The following FOXP2 variants were observed in gnomAD, a reference collection of about 807,000 sequenced individuals.
FOXP2 encodes forkhead box P2.
FOXP2 carries 12 observed loss-of-function variants against 115.8 expected under a neutral mutation model. The observed-to-expected ratio is 0.10, with a 90% CI of 0.07 to 0.17. The LOEUF (loss-of-function observed/expected upper bound fraction) is 0.17, where lower values mean the gene tolerates loss of function less well. FOXP2 is among the 10% of genes least tolerant of loss of function. The pLI, the probability that FOXP2 is intolerant of heterozygous loss-of-function variation, is 1.00. For missense variants in FOXP2, 629 were observed against 843.5 expected (o/e 0.75, Z 3.15); for synonymous variants, 328 against 297.7 (o/e 1.10, Z -1.05).
At chr7:114,387,156 A>C (rs1792473895) in intron 2 of FOXP2, among the ~76,000 whole-genome samples, 2 of 152,198 alleles carry the variant, frequency 1.3e-5, no homozygotes, top group Admixed American at 1.3e-4. Flanking sequence ...GGTTTCTTCC[A>C]AGTTCTATTC....
At chr7:114,416,770 GA>G (rs1793365572) in intron 1 of FOXP2, among the ~76,000 whole-genome samples, 1 of 151,968 alleles carries the variant, frequency 6.6e-6, no homozygotes, top group African/African-American at 2.4e-5. Flanking sequence ...AATATGTGGA[GA>G]GGTTTAATGA....
chr7:114,573,226 T>C (rs574706452), intron 3 of FOXP2, among the ~76,000 whole-genome samples: 4 of 151,868 alleles, frequency 2.6e-5, no homozygotes, highest in Non-Finnish European at 5.9e-5. Context: ...ATTTAAGTAA[T>C]ATTAACTGCT....
chr7:114,345,532 TC>T (rs992272044), intron 2 of FOXP2, among the ~76,000 whole-genome samples: 2 of 151,856 alleles, frequency 1.3e-5, no homozygotes, highest in African/African-American at 2.4e-5. Flanking sequence ...TTCTTTCTTT[TC>T]TGGCAGTAAG....
chr7:114,617,522 G>T (rs1804013505), intron 3 of FOXP2, among the ~76,000 whole-genome samples: 1 of 152,220 alleles, frequency 6.6e-6, no homozygotes, highest in South Asian at 2.1e-4. Flanking sequence ...GGCTGGGCGA[G>T]GCGGCTCACG....
At chr7:114,457,264 T>A (rs1182067595) in intron 2 of FOXP2, among the ~76,000 whole-genome samples, 2 of 152,202 alleles carry the variant, frequency 1.3e-5, no homozygotes, top group Non-Finnish European at 2.9e-5. Flanking sequence ...AAAACCATAT[T>A]GTTCATCTTA....
chr7:114,330,172 A>T (rs1442522097), intron 2 of FOXP2, among the ~76,000 whole-genome samples: 1 of 151,848 alleles, frequency 6.6e-6, no homozygotes, highest in East Asian at 1.9e-4. Flanking sequence ...TTATGCTTTC[A>T]TTTACTTATT....
intron 2 of FOXP2, among the ~76,000 whole-genome samples, chr7:114,465,327 C>G (rs953117400): frequency 5.3e-5 from 8 of 152,204 alleles, no homozygotes; most frequent in Admixed American, 1.3e-4. Flanking sequence ...AGACACTACT[C>G]CCATTCTACT....
intron 1 of FOXP2, among the ~76,000 whole-genome samples, chr7:114,167,064 T>G (rs933378515): frequency 2.6e-5 from 4 of 152,142 alleles, no homozygotes; most frequent in Non-Finnish European, 5.9e-5. Flanking sequence ...GCAGTGACAC[T>G]CCAAAGTATG....
At chr7:114,642,346 A>T in intron 6 of FOXP2, 64 bp from the exon 7 acceptor site, 1 of 1,289,472 alleles carries the variant, frequency 7.8e-7, no homozygotes, top group Non-Finnish European at 1.1e-6. Flanking sequence ...TAATAACACA[A>T]AGCTCATTAT....
chr7:114,529,808 C>T (rs1270704976), intron 2 of FOXP2, among the ~76,000 whole-genome samples: 4 of 151,724 alleles, frequency 2.6e-5, no homozygotes, highest in East Asian at 3.9e-4. Flanking sequence ...TATGAGACTT[C>T]GGATTACATG....
intron 3 of FOXP2, among the ~76,000 whole-genome samples, chr7:114,578,603 T>A (rs1801691285): frequency 6.6e-6 from 1 of 152,132 alleles, no homozygotes; most frequent in East Asian, 1.9e-4. Flanking sequence ...ATTCTATGTG[T>A]CTGTCAAATA....
intron 1 of FOXP2, among the ~76,000 whole-genome samples, chr7:114,254,926 T>C (rs1427124016): frequency 6.6e-6 from 1 of 152,220 alleles, no homozygotes; most frequent in Non-Finnish European, 1.5e-5. Context: ...TGTGGTTTTA[T>C]CTACCTTTGT....
chr7:114,128,361 C>T (rs1346339670), intron 1 of FOXP2, among the ~76,000 whole-genome samples: 1 of 151,810 alleles, frequency 6.6e-6, no homozygotes, highest in African/African-American at 2.4e-5. Flanking sequence ...GTGAAATTGA[C>T]TTCAGGTCAC....
chr7:114,405,847 A>G (rs1562907114), intron 2 of FOXP2, among the ~76,000 whole-genome samples: 1 of 151,900 alleles, frequency 6.6e-6, no homozygotes, highest in Non-Finnish European at 1.5e-5. Context: ...GAAAATTTAT[A>G]TAAATAGCAT....
chr7:114,412,163 G>A (rs774760356), upstream of FOXP2, among the ~76,000 whole-genome samples: 1 of 152,040 alleles, frequency 6.6e-6, no homozygotes, highest in Non-Finnish European at 1.5e-5. Flanking sequence ...AGTCTGGTTA[G>A]CAATCTATTT....
intron 1 of FOXP2, among the ~76,000 whole-genome samples, chr7:114,176,763 T>TG (rs1385114884): frequency 3.3e-5 from 5 of 151,274 alleles, no homozygotes; most frequent in Admixed American, 3.3e-4. Flanking sequence ...TTTCACAGAA[T>TG]GAACACACTT....
intron 1 of FOXP2, among the ~76,000 whole-genome samples, chr7:114,260,409 G>C (rs975571775): frequency 1.3e-5 from 2 of 151,780 alleles, no homozygotes; most frequent in African/African-American, 2.4e-5. Context: ...ACCGTCTGCC[G>C]CCATTATTGA....
In FOXP2 at chr7:114,689,917, T is replaced by C. The variant is rs369839969; in HGVS notation, c.2139T>C (p.Asp713=). 48 of 1,613,030 alleles carry C rather than the reference T, an allele frequency of 3.0e-5. No homozygotes were observed. Among genetic ancestry groups the C allele is most frequent in the Non-Finnish European group, 3.9e-5 (46 of 1,179,404 alleles). Residue 713 remains aspartate (D), a synonymous_variant, in exon 17 of 17, where the codon GAT becomes GAC. Transcript: ENST00000350908. ...REIEEEPLSE[D]LE Reference sequence around the variant, plus strand: ...TTGAAGAAGAGCCTTTATCTGAAGATCTGGAATGAGAACTGACTTGTGAAA... The same window carrying C: ...TTGAAGAAGAGCCTTTATCTGAAGACCTGGAATGAGAACTGACTTGTGAAA...
At chr7:114,386,375 T>C (rs2129193127) in intron 2 of FOXP2, among the ~76,000 whole-genome samples, 1 of 152,344 alleles carries the variant, frequency 6.6e-6, no homozygotes, top group East Asian at 1.9e-4. Context: ...AAACATTACT[T>C]GATCTAGAAA....
Sources: allele counts gnomAD v4.1 joint callset (sites outside exome capture counted in the v4.1 genomes callset), GRCh38; gene constraint gnomAD v4.1.1; transcripts MANE v1.5; gene names NCBI Gene and HGNC (gene_info 2026-07-23, HGNC 2026-07-21).